Variants in PLPPR5 observed in about 807,000 individuals in gnomAD.
The protein encoded by PLPPR5 is phospholipid phosphatase-related protein type 5.
A neutral mutation model predicts 33.9 loss-of-function variants in PLPPR5; 16 were observed. The observed-to-expected ratio is 0.47, with a 90% CI of 0.32 to 0.72. PLPPR5 has a LOEUF of 0.72. Ranked by LOEUF, PLPPR5 falls within the 30% of genes least tolerant of loss-of-function variation. PLPPR5 has a pLI of 0.03. For missense variants in PLPPR5, 301 were observed against 406.7 expected (o/e 0.74, Z 2.23); for synonymous variants, 163 against 150.3 (o/e 1.08, Z -0.62).
intron 3 of PLPPR5, among the ~76,000 whole-genome samples, chr1:98,936,232 T>C (rs1437771712): frequency 1.3e-5 from 2 of 152,216 alleles, no homozygotes; most frequent in African/African-American, 4.8e-5. Context: ...AGAAGGACAT[T>C]ACTTATTATT....
intron 1 of PLPPR5, among the ~76,000 whole-genome samples, chr1:98,991,518 G>C (rs902018083): frequency 6.6e-6 from 1 of 152,118 alleles, no homozygotes; most frequent in South Asian, 2.1e-4. Context: ...GACATCTTGT[G>C]TACAGTCAGA....
chr1:98,948,284 G>T (rs1365535303), intron 3 of PLPPR5, among the ~76,000 whole-genome samples: 1 of 152,174 alleles, frequency 6.6e-6, no homozygotes, highest in Non-Finnish European at 1.5e-5. Flanking sequence ...AGCAGTGATT[G>T]TTGTGCATGG....
chr1:98,982,610 T>C (rs538745384), intron 1 of PLPPR5, among the ~76,000 whole-genome samples: 1 of 152,220 alleles, frequency 6.6e-6, no homozygotes, highest in East Asian at 1.9e-4. Context: ...GAACACTCAT[T>C]CTATTTTATA....
intron 3 of PLPPR5, among the ~76,000 whole-genome samples, chr1:98,947,062 T>C (rs1650583897): frequency 6.6e-6 from 1 of 152,144 alleles, no homozygotes; most frequent in African/African-American, 2.4e-5. Flanking sequence ...TTAATTAGAA[T>C]GTTCAAGAGG....
chr1:98,956,280 C>T (rs1350428874), intron 2 of PLPPR5, among the ~76,000 whole-genome samples: 1 of 152,114 alleles, frequency 6.6e-6, no homozygotes, highest in African/African-American at 2.4e-5. Flanking sequence ...GTGGAAATGA[C>T]ATCCTAAAGT....
chr1:98,995,573 TC>T (rs937297366), intron 1 of PLPPR5, among the ~76,000 whole-genome samples: 2 of 152,042 alleles, frequency 1.3e-5, no homozygotes, highest in African/African-American at 4.8e-5. Context: ...CTGCACCCTC[TC>T]CCCCAGTGGC....
chr1:98,960,837 C>T (rs1042348763), intron 1 of PLPPR5, among the ~76,000 whole-genome samples: 14 of 152,140 alleles, frequency 9.2e-5, no homozygotes, highest in African/African-American at 3.4e-4. Context: ...CCGGCTGCTG[C>T]GCTCCTCTGG....
At chr1:98,969,872 A>C (rs920476265) in intron 1 of PLPPR5, among the ~76,000 whole-genome samples, 1 of 152,068 alleles carries the variant, frequency 6.6e-6, no homozygotes, top group Non-Finnish European at 1.5e-5. Context: ...CAGGGAATAT[A>C]TATTCAATTG....
intron 1 of PLPPR5, among the ~76,000 whole-genome samples, chr1:98,966,715 G>T (rs759171646): frequency 6.6e-6 from 1 of 152,102 alleles, no homozygotes; most frequent in Non-Finnish European, 1.5e-5. Context: ...GTTAAGATTC[G>T]CAGTCTTTAG....
intron 3 of PLPPR5, among the ~76,000 whole-genome samples, chr1:98,941,511 C>T (rs538533102): frequency 1.5e-4 from 22 of 149,918 alleles, no homozygotes; most frequent in Admixed American, 1.1e-3. Flanking sequence ...TTCAAAGATG[C>T]GACGGTAGCT....
At chr1:98,998,292 A>G (rs1386853439) in intron 1 of PLPPR5, among the ~76,000 whole-genome samples, 2 of 152,150 alleles carry the variant, frequency 1.3e-5, no homozygotes, top group African/African-American at 4.8e-5. Flanking sequence ...CCACCTCTCC[A>G]TATACCACGG....
intron 1 of PLPPR5, among the ~76,000 whole-genome samples, chr1:98,975,239 T>C (rs1444023423): frequency 6.6e-6 from 1 of 152,114 alleles, no homozygotes; most frequent in Non-Finnish European, 1.5e-5. Context: ...CATTGGTTTA[T>C]AGAGTAGGAC....
rs190547710 is a variant in PLPPR5 at position 98,984,762 on chromosome 1, T to C, written c.237+19673A>G. On this transcript the variant is annotated intron_variant, in intron 1 of 5. Transcript: ENST00000263177. ...AGAAATCTAAGATGTTTATAAAGGTTAGGACCTCAGGTAGAGCAGGTTTCC... is the reference window on the plus strand; with the variant it reads ...AGAAATCTAAGATGTTTATAAAGGTCAGGACCTCAGGTAGAGCAGGTTTCC... 1.8e-3 allele frequency among the ~76,000 whole-genome samples: 268 copies of C among 152,132 alleles called. 2 individuals carry two copies. Among genetic ancestry groups the C allele is most frequent in the African/African-American group, 5.4e-3 (223 of 41,550 alleles).
At chr1:98,952,266 A>C (rs1450662650) in intron 3 of PLPPR5, among the ~76,000 whole-genome samples, 1 of 31,746 alleles carries the variant, frequency 3.1e-5, no homozygotes, top group Non-Finnish European at 5.3e-5. Flanking sequence ...CCGTCTCAGA[A>C]AAAAAAAAAA....
chr1:98,893,766 T>C (rs952707699), intron 5 of PLPPR5, among the ~76,000 whole-genome samples: 14 of 151,858 alleles, frequency 9.2e-5, no homozygotes, highest in African/African-American at 2.4e-5. Flanking sequence ...TATTACATAA[T>C]TAATCATGCT....
intron 5 of PLPPR5, among the ~76,000 whole-genome samples, chr1:98,900,556 C>A (rs1648660347): frequency 6.6e-6 from 1 of 152,136 alleles, no homozygotes; most frequent in African/African-American, 2.4e-5. Flanking sequence ...ACTATCATAA[C>A]AGCTGATGAT....
intron 1 of PLPPR5, chr1:98,991,004 A>G (rs997762487): frequency 1.3e-5 from 2 of 152,218 alleles, no homozygotes; most frequent in African/African-American, 4.8e-5. Flanking sequence ...GGAATTTATA[A>G]TCTTTTGACA....
At chr1:98,987,089 G>C (rs999350256) in intron 1 of PLPPR5, among the ~76,000 whole-genome samples, 2 of 151,716 alleles carry the variant, frequency 1.3e-5, no homozygotes, top group African/African-American at 4.8e-5. Flanking sequence ...TTACTTTACA[G>C]TGATATGTAA....
intron 3 of PLPPR5, among the ~76,000 whole-genome samples, chr1:98,949,824 G>C (rs1412546276): frequency 6.6e-6 from 1 of 152,100 alleles, no homozygotes; most frequent in African/African-American, 2.4e-5. Context: ...ACACACAAAG[G>C]GGTGGTGGGG....
Sources: allele counts gnomAD v4.1 joint callset (sites outside exome capture counted in the v4.1 genomes callset), GRCh38; gene constraint gnomAD v4.1.1; transcripts MANE v1.5; gene names NCBI Gene and HGNC (gene_info 2026-07-23, HGNC 2026-07-21).